Variants in PTPRA observed in about 807,000 individuals in gnomAD.
The protein encoded by PTPRA is protein tyrosine phosphatase receptor type A.
Under a neutral mutation model 104.8 loss-of-function variants are expected in PTPRA, and 25 were observed. The ratio of observed to expected loss-of-function variants is 0.24; its 90% CI spans 0.17 to 0.33. PTPRA has a LOEUF of 0.33. PTPRA is among the 10% of genes least tolerant of loss of function. The pLI is 1.00. For missense variants in PTPRA, 765 were observed against 1,015.3 expected (o/e 0.75, Z 3.35); for synonymous variants, 323 against 368.9 (o/e 0.88, Z 1.43).
chr20:2,893,299 G>C (rs2058869141), intron 1 of PTPRA, among the ~76,000 whole-genome samples: 1 of 152,156 alleles, frequency 6.6e-6, no homozygotes, highest in Admixed American at 6.5e-5. Flanking sequence ...TTTGTAGAGT[G>C]AACTGGTATT....
At chr20:3,018,836 G>A (rs1248715876) in intron 13 of PTPRA, among the ~76,000 whole-genome samples, 6 of 105,036 alleles carry the variant, frequency 5.7e-5, no homozygotes, top group Non-Finnish European at 7.1e-5. Flanking sequence ...CGGACAGGGC[G>A]GCTGGCCGGG....
At chr20:2,983,244 G>A (rs2062761168) in intron 6 of PTPRA, among the ~76,000 whole-genome samples, 2 of 152,058 alleles carry the variant, frequency 1.3e-5, no homozygotes, top group South Asian at 4.1e-4. Context: ...GGAATAACAT[G>A]CTCAAAGGCC....
At position 3,027,209 on chromosome 20, in the gene PTPRA, G is replaced by C; in HGVS notation, c.1785+12G>C. 9 of 1,612,940 alleles carry C rather than the reference G, an allele frequency of 5.6e-6. No individual in the cohort carries two copies. Among genetic ancestry groups the C allele is most frequent in the Non-Finnish European group, 7.6e-6 (9 of 1,178,906 alleles). On this transcript the variant is annotated intron_variant, in intron 19 of 23. Transcript: ENST00000399903. The stretch of plus-strand genomic sequence containing the variant: ...CATCCTTTATTGATGTAAGTGGTGG[G>C]TGTGACCCCTGAGCCCCCAACACCC...
chr20:2,884,253 A>G (rs2090242853), intron 1 of PTPRA, among the ~76,000 whole-genome samples: 1 of 152,128 alleles, frequency 6.6e-6, no homozygotes, highest in African/African-American at 2.4e-5. Context: ...TTGGGTATAT[A>G]TATATACCTA....
At chr20:2,872,176 G>A (rs902075733), upstream of PTPRA, among the ~76,000 whole-genome samples, 10 of 151,980 alleles carry the variant, frequency 6.6e-5, no homozygotes, top group African/African-American at 2.4e-4. The surrounding 1 kb of genome is among the most constrained non-coding windows in gnomAD (Gnocchi z 7.9). Context: ...TCCCTAACTG[G>A]CGCCCCAACA....
At chr20:2,984,647 A>G (rs2062824931) in intron 6 of PTPRA, among the ~76,000 whole-genome samples, 1 of 152,170 alleles carries the variant, frequency 6.6e-6, no homozygotes, top group African/African-American at 2.4e-5. Flanking sequence ...AGTGTTTCTC[A>G]TCACACTCAG....
At chr20:2,938,512 A>T (rs569807444) in intron 2 of PTPRA, among the ~76,000 whole-genome samples, 4 of 148,990 alleles carry the variant, frequency 2.7e-5, no homozygotes, top group Admixed American at 6.7e-5. Context: ...TATTTCTTAA[A>T]TTTTTTTTTT....
At chr20:2,967,619 G>T (rs1053228333) in intron 5 of PTPRA, among the ~76,000 whole-genome samples, 13 of 152,130 alleles carry the variant, frequency 8.5e-5, no homozygotes, top group Admixed American at 2.6e-4. Flanking sequence ...CCAGCACTTT[G>T]GGAGGCCAAG....
At chr20:2,875,964 G>T (rs2089692589) in intron 1 of PTPRA, among the ~76,000 whole-genome samples, 1 of 152,204 alleles carries the variant, frequency 6.6e-6, no homozygotes, top group Admixed American at 6.5e-5. Flanking sequence ...AGCAAACTTG[G>T]TGGTGGAAGG....
intron 3 of PTPRA, among the ~76,000 whole-genome samples, chr20:2,960,201 C>CG (rs552082025): frequency 2.0e-5 from 3 of 151,902 alleles, no homozygotes; most frequent in Non-Finnish European, 4.4e-5. Context: ...CAGTCCTCTG[C>CG]TCCACCTGCT....
At chr20:2,979,630 G>A (rs1484940637) in intron 6 of PTPRA, among the ~76,000 whole-genome samples, 2 of 152,160 alleles carry the variant, frequency 1.3e-5, no homozygotes, top group African/African-American at 2.4e-5. Flanking sequence ...GGACTCAAGC[G>A]ATCCTCCAGC....
At chr20:2,982,642 A>G (rs1457890016) in intron 6 of PTPRA, among the ~76,000 whole-genome samples, 1 of 152,166 alleles carries the variant, frequency 6.6e-6, no homozygotes, top group Non-Finnish European at 1.5e-5. Context: ...GAGAGGTATT[A>G]TCAAGGAAAA....
intron 16 of PTPRA, among the ~76,000 whole-genome samples, chr20:3,024,086 G>T (rs895857557): frequency 2.6e-5 from 4 of 152,210 alleles, no homozygotes; most frequent in Admixed American, 1.3e-4. Flanking sequence ...GCAGCAGTGA[G>T]ATTGGCTCTG....
At chr20:2,891,994 G>A (rs749850536) in intron 1 of PTPRA, among the ~76,000 whole-genome samples, 21 of 152,088 alleles carry the variant, frequency 1.4e-4, no homozygotes, top group Non-Finnish European at 3.1e-4. Flanking sequence ...CCCACAGATA[G>A]AGAGGGTCAA....
In PTPRA at chr20:2,873,787, G is replaced by T. The variant is rs993136564; in HGVS notation, c.-129+27G>T. On this transcript the variant is annotated intron_variant, in intron 1 of 23. Coordinates refer to ENST00000399903, the MANE Select transcript of PTPRA (RefSeq NM_001385305.1). The surrounding 1 kb of genome is among the most constrained non-coding windows in gnomAD (Gnocchi z 4.4). ...TGAGTGTTCGCGGCCGCTGCGCCCG[G>T]GTGGGCTCCGGAAGGGGGAGCGGCT... 6.6e-6 allele frequency: 1 copy of T among 152,156 alleles called. No individual in the cohort carries two copies. Among genetic ancestry groups the T allele is most frequent in the Non-Finnish European group, 1.5e-5 (1 of 68,024 alleles). 9.4% of individuals were successfully genotyped at this position (152,156 alleles called of 1,614,324 possible).
the PTPRA span, chr20:2,866,140 C>T: frequency 6.3e-4 from 874 of 1,390,506 alleles, 11 homozygotes; most frequent in South Asian, 9.9e-3. Flanking sequence ...TGCATTGCGC[C>T]TCTGCTCGTA....
intron 9 of PTPRA, among the ~76,000 whole-genome samples, chr20:2,999,604 G>A (rs1488764369): frequency 6.6e-6 from 1 of 152,176 alleles, no homozygotes; most frequent in Non-Finnish European, 1.5e-5. Flanking sequence ...GTTTGGGTGG[G>A]GAAAAGATGG....
At chr20:2,977,358 T>C (rs889241131) in intron 6 of PTPRA, among the ~76,000 whole-genome samples, 1 of 151,114 alleles carries the variant, frequency 6.6e-6, no homozygotes, top group African/African-American at 2.4e-5. Context: ...ACTACTTAAG[T>C]CTAGAAAGAG....
At chr20:2,961,324 C>G (rs751712255) in intron 3 of PTPRA, among the ~76,000 whole-genome samples, 1 of 152,226 alleles carries the variant, frequency 6.6e-6, no homozygotes, top group East Asian at 1.9e-4. Context: ...ATTTTAAAAC[C>G]AAAATCCATT....
Sources: gnomAD v4.1 joint callset for allele counts (sites outside exome capture counted in the v4.1 genomes callset) on GRCh38, gnomAD v4.1.1 for gene constraint, Gnocchi (gnomAD v3.1) non-coding constraint, MANE v1.5 for transcripts, NCBI Gene and HGNC (gene_info 2026-07-23, HGNC 2026-07-21) for gene names.